GABBR2: variants seen among roughly 807,000 people sequenced by gnomAD.
GABBR2 encodes gamma-aminobutyric acid type B receptor subunit 2.
Under a neutral mutation model 105.6 loss-of-function variants are expected in GABBR2, and 23 were observed. That is an observed-to-expected ratio of 0.22 (90% CI 0.16 to 0.31). The LOEUF (loss-of-function observed/expected upper bound fraction) is 0.31, where lower values mean the gene tolerates loss of function less well. Ranked by LOEUF, GABBR2 falls within the 10% of genes least tolerant of loss-of-function variation. The pLI, the probability that GABBR2 is intolerant of heterozygous loss-of-function variation, is 1.00. For synonymous variants in GABBR2, 478 were observed against 499.7 expected, an observed-to-expected ratio of 0.96 and a Z score of 0.58; for missense variants, 734 against 1,245.5, an observed-to-expected ratio of 0.59 and a Z score of 6.18.
At chr9:98,526,243 A>T (rs1164732886) in intron 3 of GABBR2, among the ~76,000 whole-genome samples, 1 of 152,110 alleles carries the variant, frequency 6.6e-6, no homozygotes, top group Non-Finnish European at 1.5e-5. Context: ...CAAATATCCT[A>T]AAAGAACCAC....
chr9:98,683,385 G>A (rs1024933859), intron 1 of GABBR2, among the ~76,000 whole-genome samples: 2 of 152,116 alleles, frequency 1.3e-5, no homozygotes, highest in Non-Finnish European at 2.9e-5. Flanking sequence ...TTACAGCTGT[G>A]AGCCATTGCG....
At chr9:98,641,618 C>T (rs1829963317) in intron 1 of GABBR2, among the ~76,000 whole-genome samples, 1 of 152,188 alleles carries the variant, frequency 6.6e-6, no homozygotes, top group African/African-American at 2.4e-5. Flanking sequence ...AAAGTGAGTT[C>T]CTCTTCCTTC....
chr9:98,577,587 G>C (rs947618723), intron 2 of GABBR2, among the ~76,000 whole-genome samples: 4 of 152,230 alleles, frequency 2.6e-5, no homozygotes, highest in Non-Finnish European at 5.9e-5. Flanking sequence ...GAAAGGCAGG[G>C]TGTCTGGCAA....
At chr9:98,569,498 C>G (rs1241885202) in intron 2 of GABBR2, among the ~76,000 whole-genome samples, 1 of 152,206 alleles carries the variant, frequency 6.6e-6, no homozygotes, top group East Asian at 1.9e-4. Context: ...ATAACAGCAG[C>G]TACTGGATTA....
intron 8 of GABBR2, among the ~76,000 whole-genome samples, chr9:98,398,665 T>A (rs930119162): frequency 6.6e-6 from 1 of 152,122 alleles, no homozygotes; most frequent in Non-Finnish European, 1.5e-5. Flanking sequence ...GCCTCAACTC[T>A]GCTCTTCCCC....
chr9:98,452,821 A>G (rs1289185466), intron 7 of GABBR2, among the ~76,000 whole-genome samples: 1 of 152,218 alleles, frequency 6.6e-6, no homozygotes, highest in African/African-American at 2.4e-5. Context: ...AAAAGGTTGT[A>G]TTATGTAATG....
intron 1 of GABBR2, among the ~76,000 whole-genome samples, chr9:98,602,715 A>G (rs1014434646): frequency 1.6e-4 from 24 of 152,212 alleles, no homozygotes; most frequent in African/African-American, 5.5e-4. Context: ...ATTCAGTGGG[A>G]GGGGAGAAAA....
chr9:98,418,929 C>T (rs923472221), intron 7 of GABBR2, among the ~76,000 whole-genome samples: 7 of 152,234 alleles, frequency 4.6e-5, no homozygotes, highest in Non-Finnish European at 4.4e-5. Flanking sequence ...AGCATCCCTA[C>T]GATTAGAAGT....
chr9:98,622,042 T>C (rs779163990), intron 1 of GABBR2, among the ~76,000 whole-genome samples: 36 of 152,242 alleles, frequency 2.4e-4, no homozygotes, highest in Non-Finnish European at 4.8e-4. Context: ...TAAAAATGCA[T>C]TCTTTTAATG....
chr9:98,290,355 G>A lies in GABBR2; in HGVS notation c.*229C>T, dbSNP rs774483330. On this transcript the variant is annotated 3_prime_UTR_variant, in exon 19 of 19. Transcript: ENST00000259455. The stretch of plus-strand genomic sequence containing the variant: ...ATGTTAAGGAAGACGTCCCATTTCC[G>A]TTCCTCTTCTTTGTGAAGAAATAAG... 6.6e-5 allele frequency: 15 copies of A among 227,702 alleles called. No homozygotes were observed. The highest frequency in any genetic ancestry group is 1.9e-4 in the South Asian group (1 of 5,174). 14.1% of individuals were successfully genotyped at this position (227,702 alleles called of 1,614,324 possible).
intron 3 of GABBR2, among the ~76,000 whole-genome samples, chr9:98,515,008 G>A (rs1827729952): frequency 6.6e-6 from 1 of 152,092 alleles, no homozygotes. Flanking sequence ...CAGTGGGGGA[G>A]GCCACCAGGA....
In GABBR2 at chr9:98,388,503, A is replaced by C. The variant is rs1352055597; in HGVS notation, c.1529+351T>G. ...TATATCTCTCCTCCTGGACCTCCAC[A>C]AAGTACAGGAGTATATCCAAAGCTC... On this transcript the variant is annotated intron_variant, in intron 10 of 18. Coordinates refer to ENST00000259455, the MANE Select transcript of GABBR2 (RefSeq NM_005458.8). This position sits in a 1 kb window ranked among gnomAD's most constrained non-coding sequence, Gnocchi z 4.4. 1.3e-5 allele frequency among the ~76,000 whole-genome samples: 2 copies of C among 152,094 alleles called. No individual in the cohort carries two copies. Among genetic ancestry groups the C allele is most frequent in the Non-Finnish European group, 2.9e-5 (2 of 68,010 alleles).
At chr9:98,546,890 C>T (rs1297131951) in intron 2 of GABBR2, among the ~76,000 whole-genome samples, 1 of 120,030 alleles carries the variant, frequency 8.3e-6, no homozygotes, top group African/African-American at 2.7e-5. Context: ...CAGGTCTCAG[C>T]CCGCTGGAGT....
intron 13 of GABBR2, among the ~76,000 whole-genome samples, chr9:98,351,879 G>A (rs1831405121): frequency 6.6e-6 from 1 of 152,156 alleles, no homozygotes; most frequent in Non-Finnish European, 1.5e-5. Context: ...GAGGTATCAT[G>A]TTTCTTTGCT....
intron 12 of GABBR2, among the ~76,000 whole-genome samples, chr9:98,366,730 TC>T (rs1281060056): frequency 6.6e-6 from 1 of 152,194 alleles, no homozygotes; most frequent in Non-Finnish European, 1.5e-5. Flanking sequence ...GGCAGATGCT[TC>T]ATGACAGCTG....
At chr9:98,293,035 C>G (rs1456922826) in intron 18 of GABBR2, among the ~76,000 whole-genome samples, 1 of 152,188 alleles carries the variant, frequency 6.6e-6, no homozygotes, top group Non-Finnish European at 1.5e-5. Context: ...TACTAAAGAG[C>G]CCCAAATGAT....
In GABBR2 at chr9:98,514,088, G is replaced by T. The variant is rs1452680653; in HGVS notation, c.631-17574C>A. Among the ~76,000 whole-genome samples the T allele has an allele frequency of 9.7e-5, 14 of 144,658 alleles. 2 individuals carry two copies. The allele number at this position is 144,658 out of a possible 152,430, so 94.9% of individuals were successfully genotyped here. ...ACTATGCAGCTATAAAAAATGATGA[G>T]TTCATGTCCTTTGTAGGGACATGGA... On this transcript the variant is annotated intron_variant, in intron 3 of 18. Coordinates refer to ENST00000259455, the MANE Select transcript of GABBR2 (RefSeq NM_005458.8).
Position 98,311,151 on chromosome 9 carries a change from T to C in GABBR2, c.1948A>G (p.Asn650Asp). 1 of 1,613,844 alleles carries C rather than the reference T, an allele frequency of 6.2e-7. No individual in the cohort carries two copies. Among genetic ancestry groups the C allele is most frequent in the Non-Finnish European group, 8.5e-7 (1 of 1,179,766 alleles). Residue 650 changes from asparagine (N) to aspartate (D), a missense_variant, in exon 14 of 19, where the codon AAC becomes GAC. Physicochemically the swap from Asn to Asp is conservative, Grantham distance 23. Transcript: ENST00000259455. ...CCAAGCCAGATGGTCATATGGGTGT[T>C]CTCACAGTGCTCCAGGAGAGGGCGG... is the stretch of plus-strand genomic sequence containing the variant. Reference protein sequence around the residue: ...SIRPLLEHCENTHMTIWLGIV... With the variant: ...SIRPLLEHCEDTHMTIWLGIV...
At position 98,369,804 on chromosome 9, in the gene GABBR2, G is replaced by A. The variant is rs555798404; in HGVS notation, c.1770+1660C>T. On this transcript the variant is annotated intron_variant, in intron 12 of 18. Coordinates refer to ENST00000259455, the MANE Select transcript of GABBR2 (RefSeq NM_005458.8). The stretch of plus-strand genomic sequence containing the variant: ...AGGATTTGAAGAGTGTGTGCAGGGG[G>A]CTAGGGTGTGGTGGGTGGGGAATTG... 1.4e-4 allele frequency among the ~76,000 whole-genome samples: 22 copies of A among 152,214 alleles called. No homozygotes were observed. In the East Asian group the frequency reaches 3.5e-3, roughly 24 times the overall value.
Sources: gnomAD v4.1 joint callset for allele counts (sites outside exome capture counted in the v4.1 genomes callset) on GRCh38, gnomAD v4.1.1 for gene constraint, Gnocchi (gnomAD v3.1) non-coding constraint, MANE v1.5 for transcripts, NCBI Gene and HGNC (gene_info 2026-07-23, HGNC 2026-07-21) for gene names.